OR2AJ1: variants seen among roughly 807,000 people sequenced by gnomAD.
OR2AJ1 encodes the protein olfactory receptor 2AJ1.
For synonymous variants in OR2AJ1, 105 were observed against 60.3 expected (o/e 1.74, Z -3.44); for missense variants, 280 against 163.2 (o/e 1.72, Z -3.90).
At chr1:247,929,822 T>G (rs781426800) in intron 1 of OR2AJ1, among the ~76,000 whole-genome samples, 1 of 152,210 alleles carries the variant, frequency 6.6e-6, no homozygotes, top group Non-Finnish European at 1.5e-5. Flanking sequence ...GCATTTCCAT[T>G]AAATTTTCCT....
chr1:247,927,690 C>T (rs760878956), intron 1 of OR2AJ1, among the ~76,000 whole-genome samples: 2 of 151,994 alleles, frequency 1.3e-5, no homozygotes, highest in African/African-American at 2.4e-5. Flanking sequence ...CTCGTGTTTC[C>T]CAGCCTCGAG....
Position 247,925,452 on chromosome 1 carries a change from A to G in OR2AJ1, c.-23+284A>G, listed in dbSNP as rs746761983. Among the ~76,000 whole-genome samples, 57 of 152,272 alleles carry G rather than the reference A, an allele frequency of 3.7e-4. No individual in the cohort carries two copies. The Middle Eastern group carries it at 0.014, about 36-fold the overall frequency. On this transcript the variant is annotated intron_variant, in intron 1 of 1. Transcript: ENST00000318244. ...GTAAAATCTTGGGAGAATGGAAGAA[A>G]TTGAAGCCCTTAGAAGTGCTGGGGA... is the stretch of plus-strand genomic sequence containing the variant.
chr1:247,933,653 A>G (rs1282041083), intron 1 of OR2AJ1, 94 bp from the exon 2 acceptor site: 2 of 498,920 alleles, frequency 4.0e-6, no homozygotes, highest in Admixed American at 7.5e-5. Context: ...AACATGCATC[A>G]CTAACTCTCA....
chr1:247,930,942 G>T (rs1660147337), intron 1 of OR2AJ1, among the ~76,000 whole-genome samples: 1 of 152,130 alleles, frequency 6.6e-6, no homozygotes, highest in African/African-American at 2.4e-5. Context: ...AATCAAAGTG[G>T]CTCTTTTATG....
Position 247,934,884 on chromosome 1 carries a change from A to G in OR2AJ1, c.*129A>G. On this transcript the variant is annotated 3_prime_UTR_variant, in exon 2 of 2. Coordinates refer to ENST00000318244, the MANE Select transcript of OR2AJ1 (RefSeq NM_001355235.2). Reference sequence around the variant, plus strand: ...AATAATATGTGTTTGTGTTGTAAACACGTACCTCTAAAAATGTAGTGTTCC... The same window carrying G: ...AATAATATGTGTTTGTGTTGTAAACGCGTACCTCTAAAAATGTAGTGTTCC... The G allele has an allele frequency of 1.7e-6, 1 of 581,600 alleles. No homozygotes were observed. 36.0% of individuals were successfully genotyped at this position (581,600 alleles called of 1,614,324 possible).
rs1433862777 is a variant in OR2AJ1 at position 247,934,167 on chromosome 1, G to A, written c.399G>A (p.Pro133=). Residue 133 remains proline, a synonymous_variant, in exon 2 of 2, where the codon CCG becomes CCA. Coordinates refer to ENST00000318244, the MANE Select transcript of OR2AJ1 (RefSeq NM_001355235.2). ...CTATCTGTCACCCGCTGCGCTATCC[G>A]ATTCTTATGAAGGAGTATGCCAGCG... The part of the protein sequence containing the change: ...YVAICHPLRY[P]ILMKEYASAL... The A allele has an allele frequency of 2.8e-6, 2 of 718,520 alleles. No homozygotes were observed. Among genetic ancestry groups the A allele is most frequent in the Admixed American group, 2.0e-5 (1 of 50,066 alleles). 44.5% of individuals were successfully genotyped at this position (718,520 alleles called of 1,614,324 possible).
rs370437514 is a variant in OR2AJ1 at position 247,928,887 on chromosome 1, G to A, written c.-23+3719G>A. Among the ~76,000 whole-genome samples, 976 of 152,250 alleles carry A rather than the reference G, an allele frequency of 6.4e-3. 2 individuals are homozygous for A. Among genetic ancestry groups the A allele is most frequent in the African/African-American group, 0.022 (897 of 41,522 alleles). ...AGGCGGGCGGATCACGAGGTCAGGA[G>A]ATCGAGACCATCCTGGCTAACACGG... On this transcript the variant is annotated intron_variant, in intron 1 of 1. Coordinates refer to ENST00000318244, the MANE Select transcript of OR2AJ1 (RefSeq NM_001355235.2).
chr1:247,933,757 A>G lies in OR2AJ1; in HGVS notation c.-12A>G, dbSNP rs1356119865. On this transcript the variant is annotated 5_prime_UTR_variant, in exon 2 of 2. In the 5' UTR this introduces an upstream ATG that the reference lacks. Transcript: ENST00000318244. The stretch of plus-strand genomic sequence containing the variant: ...ATTATTTCTTTTTAGGTTAAAAAAT[A>G]GAGAATTCATGATGGGCCATCAGAA... 1 of 569,214 alleles carries G rather than the reference A, an allele frequency of 1.8e-6. No individual in the cohort carries two copies. Among genetic ancestry groups the G allele is most frequent in the Non-Finnish European group, 3.2e-6 (1 of 313,282 alleles). 35.3% of individuals were successfully genotyped at this position (569,214 alleles called of 1,614,324 possible). A position where few individuals can be genotyped will look rare whatever the true frequency, so the allele number is the denominator to read the frequency against.
Position 247,933,968 on chromosome 1 carries a change from C to A in OR2AJ1, c.200C>A (p.Ser67Tyr). 1.4e-6 allele frequency: 1 copy of A among 717,644 alleles called. No individual in the cohort carries two copies. The highest frequency in any genetic ancestry group is 2.6e-6 in the Non-Finnish European group (1 of 385,108). The allele number at this position is 717,644 out of a possible 1,614,324, so 44.5% of individuals were successfully genotyped here. Residue 67 changes from serine (S) to tyrosine (Y), a missense_variant, in exon 2 of 2, where the codon TCC becomes TAC. Physicochemically the swap from Ser to Tyr is moderately radical, Grantham distance 144 (BLOSUM62 -2). Coordinates refer to ENST00000318244, the MANE Select transcript of OR2AJ1 (RefSeq NM_001355235.2). ...TPMYFLLSHL[S>Y]LMDILHVSNI... ...ATGTATTTTCTGCTCAGCCATCTCTCCTTAATGGATATCTTGCATGTTTCC... is the reference window on the plus strand; with the variant it reads ...ATGTATTTTCTGCTCAGCCATCTCTACTTAATGGATATCTTGCATGTTTCC...
chr1:247,933,208 G>A (rs761708236), intron 1 of OR2AJ1, among the ~76,000 whole-genome samples: 6 of 152,196 alleles, frequency 3.9e-5, no homozygotes, highest in Admixed American at 1.3e-4. Flanking sequence ...ACTAGGCTCT[G>A]TTCCAGGCAG....
intron 1 of OR2AJ1, among the ~76,000 whole-genome samples, chr1:247,931,264 C>T (rs974941663): frequency 1.3e-5 from 2 of 152,148 alleles, no homozygotes; most frequent in African/African-American, 2.4e-5. Context: ...AACTTTACCT[C>T]GTCAAAGAGT....
At position 247,934,224 on chromosome 1, in the gene OR2AJ1, G is replaced by A. The variant is rs1181200392; in HGVS notation, c.456G>A (p.Gly152=). The part of the protein sequence containing the change: ...ALMAGGSWLI[G]VFNSTVHTAY... ...TGGCTGGAGGCTCCTGGCTCATTGG[G>A]GTTTTCAACTCCACAGTCCACACAG... Residue 152 remains glycine (G), a synonymous_variant, in exon 2 of 2, where the codon GGG becomes GGA. Transcript: ENST00000318244. 1 of 719,020 alleles carries A rather than the reference G, an allele frequency of 1.4e-6. No homozygotes were observed. The highest frequency in any genetic ancestry group is 1.7e-5 in the African/African-American group (1 of 57,288). The allele number at this position is 719,020 out of a possible 1,614,324, so 44.5% of individuals were successfully genotyped here. A position where few individuals can be genotyped will look rare whatever the true frequency, so the allele number is the denominator to read the frequency against.
intron 1 of OR2AJ1, among the ~76,000 whole-genome samples, chr1:247,929,044 T>C (rs1286593821): frequency 6.6e-6 from 1 of 152,162 alleles, no homozygotes; most frequent in African/African-American, 2.4e-5. Flanking sequence ...GGAGAAGACA[T>C]GTGGTCACTC....
chr1:247,927,571 T>C (rs1380211685), intron 1 of OR2AJ1, among the ~76,000 whole-genome samples: 2 of 151,846 alleles, frequency 1.3e-5, no homozygotes, highest in Non-Finnish European at 2.9e-5. Flanking sequence ...TAGAAAAAAT[T>C]ATCATTAACG....
At chr1:247,928,657 A>G (rs777797548) in intron 1 of OR2AJ1, among the ~76,000 whole-genome samples, 2 of 152,138 alleles carry the variant, frequency 1.3e-5, no homozygotes, top group Non-Finnish European at 2.9e-5. Context: ...ATTTTGGCCA[A>G]TCAGGGCAGC....
chr1:247,933,379 G>A (rs1186941062), intron 1 of OR2AJ1, among the ~76,000 whole-genome samples: 4 of 152,208 alleles, frequency 2.6e-5, no homozygotes, highest in African/African-American at 9.6e-5. Flanking sequence ...AGAGCAAGGA[G>A]GACCAGGAAA....
At position 247,925,152 on chromosome 1, in the gene OR2AJ1, G is replaced by T. The variant is rs552758611; in HGVS notation, c.-39G>T. ...TGAAAGGCCCTGCCTGGAATGTCCT[G>T]TGCGGAGCGGAACGTGGTAAGGTCA... is the stretch of plus-strand genomic sequence containing the variant. On this transcript the variant is annotated 5_prime_UTR_variant, in exon 1 of 2. Transcript: ENST00000318244. The T allele has an allele frequency of 6.6e-5, 10 of 152,618 alleles. No homozygotes were observed. Among genetic ancestry groups the T allele is most frequent in the African/African-American group, 2.4e-4 (10 of 41,568 alleles). The allele number at this position is 152,618 out of a possible 1,614,324, so 9.5% of individuals were successfully genotyped here.
chr1:247,931,265 G>A (rs796856594), intron 1 of OR2AJ1, among the ~76,000 whole-genome samples: 7 of 152,282 alleles, frequency 4.6e-5, no homozygotes, highest in East Asian at 1.9e-4. Flanking sequence ...ACTTTACCTC[G>A]TCAAAGAGTT....
chr1:247,933,986 A>T lies in OR2AJ1; in HGVS notation c.218A>T (p.His73Leu), dbSNP rs1339116185. 1 of 717,638 alleles carries T rather than the reference A, an allele frequency of 1.4e-6. No individual in the cohort carries two copies. The highest frequency in any genetic ancestry group is 2.6e-6 in the Non-Finnish European group (1 of 385,118). The allele number at this position is 717,638 out of a possible 1,614,324, so 44.5% of individuals were successfully genotyped here. The change falls in exon 2 of 2, where the codon CAT (histidine) becomes CTT (leucine). Residue 73 changes from histidine to leucine, a missense_variant. His to Leu is a moderately conservative substitution (Grantham distance 99). Coordinates refer to ENST00000318244, the MANE Select transcript of OR2AJ1 (RefSeq NM_001355235.2). Reference protein sequence around the residue: ...LSHLSLMDILHVSNIVPKMVT... With the variant: ...LSHLSLMDILLVSNIVPKMVT... ...CATCTCTCCTTAATGGATATCTTGC[A>T]TGTTTCCAACATCGTTCCCAAAATG...
Sources: gnomAD v4.1 joint callset for allele counts (sites outside exome capture counted in the v4.1 genomes callset) on GRCh38, gnomAD v4.1.1 for gene constraint, MANE v1.5 for transcripts, NCBI Gene and HGNC (gene_info 2026-07-23, HGNC 2026-07-21) for gene names.